The following BIRC6 variants were observed in gnomAD, a reference collection of about 807,000 sequenced individuals.
The protein encoded by BIRC6 is dual E2 ubiquitin-conjugating enzyme/E3 ubiquitin-protein ligase BIRC6.
BIRC6 carries 98 observed loss-of-function variants against 503.3 expected under a neutral mutation model. The ratio of observed to expected loss-of-function variants is 0.19; its 90% CI spans 0.17 to 0.23. The LOEUF (loss-of-function observed/expected upper bound fraction) is 0.23, where lower values mean the gene tolerates loss of function less well. BIRC6 is among the 10% of genes least tolerant of loss of function. The pLI is 1.00. For missense variants in BIRC6, 5,360 were observed against 5,806.0 expected (o/e 0.92, Z 2.50); for synonymous variants, 2,240 against 2,078.7 (o/e 1.08, Z -2.11).
At chr2:32,375,889 G>A (rs1263544871) in intron 1 of BIRC6, among the ~76,000 whole-genome samples, 1 of 151,940 alleles carries the variant, frequency 6.6e-6, no homozygotes, top group African/African-American at 2.4e-5. Flanking sequence ...TAAACCCGAT[G>A]AAAATACATG....
intron 45 of BIRC6, among the ~76,000 whole-genome samples, chr2:32,495,030 AATGAC>A (rs1477241042): frequency 6.6e-6 from 1 of 152,218 alleles, no homozygotes; most frequent in Admixed American, 6.5e-5. Context: ...TGAAATTTTG[AATGAC>A]ATAATTAAAA....
At chr2:32,538,973 AAAG>A (rs1415991965) in intron 61 of BIRC6, among the ~76,000 whole-genome samples, 1 of 152,232 alleles carries the variant, frequency 6.6e-6, no homozygotes, top group East Asian at 1.9e-4. Flanking sequence ...CCCCATTTGA[AAAG>A]CAAACGTTTG....
chr2:32,361,997 T>C (rs1031347592), intron 1 of BIRC6, among the ~76,000 whole-genome samples: 2 of 152,326 alleles, frequency 1.3e-5, no homozygotes, highest in African/African-American at 4.8e-5. Flanking sequence ...TGTAAACATT[T>C]GTGTGCAGGT....
chr2:32,395,312 C>T (rs1466757562), intron 5 of BIRC6, among the ~76,000 whole-genome samples, 199 bp from the exon 6 acceptor site: 2 of 152,060 alleles, frequency 1.3e-5, no homozygotes, highest in Non-Finnish European at 2.9e-5. Context: ...TGGTCATTTT[C>T]TGAATTTTCA....
In BIRC6 at chr2:32,547,933, C is replaced by T; in HGVS notation, c.12894C>T (p.Gly4298=). 6.2e-7 allele frequency: 1 copy of T among 1,613,674 alleles called. No individual in the cohort carries two copies. The highest frequency in any genetic ancestry group is 8.5e-7 in the Non-Finnish European group (1 of 1,179,760). Residue 4298 remains glycine, a synonymous_variant, in exon 64 of 74, where the codon GGC becomes GGT. Coordinates refer to ENST00000421745, the MANE Select transcript of BIRC6 (RefSeq NM_016252.4). ...CCAAAGGGACTGGCTTTGGAACAGG[C>T]TCTACAGCTTCTGGGTGGGATGTGG... ...YWAKGTGFGT[G]STASGWDVEQ...
In BIRC6 at chr2:32,433,747, C is replaced by A; in HGVS notation, c.3352C>A (p.Pro1118Thr). ...TTTGAACTCAAACATCACCAATATTCCACAGATACAAGTGACACTGCTGAA... is the reference window on the plus strand; with the variant it reads ...TTTGAACTCAAACATCACCAATATTACACAGATACAAGTGACACTGCTGAA... ...FVLNSNITNI[P>T]QIQVTLLKNK... The change falls in exon 13 of 74, where the codon CCA becomes ACA. Residue 1118 changes from proline (P) to threonine (T), a missense_variant. By Grantham distance (38) the Pro-to-Thr change is conservative (BLOSUM62 -1). Transcript: ENST00000421745. The A allele has an allele frequency of 1.3e-6, 2 of 1,599,832 alleles. No individual in the cohort carries two copies. The highest frequency in any genetic ancestry group is 2.2e-5 in the East Asian group (1 of 44,698).
chr2:32,362,470 C>T (rs2034264497), intron 1 of BIRC6, among the ~76,000 whole-genome samples: 1 of 151,944 alleles, frequency 6.6e-6, no homozygotes, highest in South Asian at 2.1e-4. Context: ...TGCCCCCCAC[C>T]AGACCCGGCT....
intron 65 of BIRC6, among the ~76,000 whole-genome samples, chr2:32,567,193 C>G (rs539772199): frequency 2.0e-5 from 3 of 152,218 alleles, no homozygotes; most frequent in Admixed American, 2.0e-4. Context: ...TGGTCTTGAA[C>G]TCCTGATCTC....
chr2:32,531,315 C>T (rs1177248629), intron 60 of BIRC6, 40 bp from the exon 61 acceptor site: 2 of 1,464,968 alleles, frequency 1.4e-6, no homozygotes, highest in Admixed American at 2.1e-5. Context: ...AAAAATATAC[C>T]CTTTCTTACC....
chr2:32,374,066 A>G (rs1239477944), intron 1 of BIRC6, among the ~76,000 whole-genome samples: 1 of 152,220 alleles, frequency 6.6e-6, no homozygotes, highest in Non-Finnish European at 1.5e-5. Context: ...GATAAAAGTC[A>G]GTTACTGTTT....
intron 35 of BIRC6, 58 bp downstream of exon 35, chr2:32,477,641 G>A: frequency 1.5e-6 from 2 of 1,343,202 alleles, no homozygotes; most frequent in Non-Finnish European, 2.1e-6. Flanking sequence ...GCTCATGCCT[G>A]TAATCCCAGC....
intron 32 of BIRC6, 22 bp from the exon 33 acceptor site, chr2:32,473,090 A>G (rs1302993901): frequency 6.5e-7 from 1 of 1,541,240 alleles, no homozygotes; most frequent in Non-Finnish European, 8.8e-7. Flanking sequence ...AATTATTAAT[A>G]CAAGTTTTCC....
chr2:32,398,058 T>C (rs2040168520), intron 6 of BIRC6, among the ~76,000 whole-genome samples: 1 of 151,968 alleles, frequency 6.6e-6, no homozygotes, highest in Admixed American at 6.6e-5. Flanking sequence ...CCTTCTGAAT[T>C]GTAAAGGGGA....
At chr2:32,445,854 T>G (rs2148415725) in intron 21 of BIRC6, among the ~76,000 whole-genome samples, 186 bp downstream of exon 21, 1 of 152,234 alleles carries the variant, frequency 6.6e-6, no homozygotes, top group Non-Finnish European at 1.5e-5. Flanking sequence ...TTGTCAGAAA[T>G]TACTCTTTTT....
chr2:32,489,935 C>T lies in BIRC6; in HGVS notation c.8096-106C>T, dbSNP rs2051485267. The T allele has an allele frequency of 2.2e-5, 16 of 732,628 alleles. No individual in the cohort carries two copies. The Middle Eastern group carries it at 7.8e-4, about 36-fold the overall frequency. 45.4% of individuals were successfully genotyped at this position (732,628 alleles called of 1,614,324 possible). On this transcript the variant is annotated intron_variant, in intron 42 of 73. Transcript: ENST00000421745. ...TGTTTTGAAGACACTGGTTAAGGAG[C>T]GGATTTAAAGAAATAGTGTCTTGTT...
intron 65 of BIRC6, among the ~76,000 whole-genome samples, chr2:32,559,827 A>T (rs2059035204): frequency 6.6e-6 from 1 of 152,134 alleles, no homozygotes; most frequent in African/African-American, 2.4e-5. Flanking sequence ...TTGCCTGGCC[A>T]ACATGGTGAA....
chr2:32,491,370 A>G (rs2051687179), intron 43 of BIRC6, 55 bp from the exon 44 acceptor site: 3 of 1,482,334 alleles, frequency 2.0e-6, no homozygotes, highest in Non-Finnish European at 2.7e-6. Flanking sequence ...CAGATACTGC[A>G]TTTCCATTAT....
chr2:32,473,269 A>G, intron 33 of BIRC6, 30 bp downstream of exon 33: 2 of 1,487,470 alleles, frequency 1.3e-6, no homozygotes, highest in East Asian at 2.5e-5. Flanking sequence ...AAAATTTTTA[A>G]TGTTTGAGAA....
chr2:32,482,969 G>T (rs2050577513), intron 39 of BIRC6, among the ~76,000 whole-genome samples: 1 of 151,618 alleles, frequency 6.6e-6, no homozygotes, highest in South Asian at 2.1e-4. Flanking sequence ...CCAGGCTGGG[G>T]TGCAGTGATG....
Sources: gnomAD v4.1 joint callset for allele counts (sites outside exome capture counted in the v4.1 genomes callset) on GRCh38, gnomAD v4.1.1 for gene constraint, MANE v1.5 for transcripts, NCBI Gene and HGNC (gene_info 2026-07-23, HGNC 2026-07-21) for gene names.